The following RAMP3 variants were observed in gnomAD, a reference collection of about 807,000 sequenced individuals.
RAMP3 encodes the protein receptor activity modifying protein 3, also known as receptor activity-modifying protein 3.
In RAMP3, 14 loss-of-function variants were observed where a neutral mutation model predicts 13.5. The ratio of observed to expected loss-of-function variants is 1.04; its 90% CI spans 0.69 to 1.63. The LOEUF is 1.63. RAMP3 is among the 40% of genes most tolerant of loss of function. The pLI is 0.00. For missense variants in RAMP3, 200 were observed against 204.8 expected, an observed-to-expected ratio of 0.98 and a Z score of 0.14; for synonymous variants, 106 against 88.3, an observed-to-expected ratio of 1.20 and a Z score of -1.12.
intron 1 of RAMP3, among the ~76,000 whole-genome samples, chr7:45,167,862 A>G (rs1172153498): frequency 6.6e-6 from 1 of 152,084 alleles, no homozygotes; most frequent in Non-Finnish European, 1.5e-5. Context: ...CTGGGATTAC[A>G]AGCGTGAGCC....
chr7:45,182,778 G>T (rs1366581229), intron 2 of RAMP3, among the ~76,000 whole-genome samples: 3 of 152,152 alleles, frequency 2.0e-5, no homozygotes, highest in African/African-American at 7.2e-5. Flanking sequence ...GATGATGAAG[G>T]CTTTGCAGGT....
intron 1 of RAMP3, among the ~76,000 whole-genome samples, chr7:45,171,555 A>AT (rs1270920823): frequency 2.6e-5 from 4 of 151,234 alleles, no homozygotes; most frequent in Non-Finnish European, 4.4e-5. Flanking sequence ...GTCTTTTTTG[A>AT]TTTTTTTTCT....
intron 1 of RAMP3, among the ~76,000 whole-genome samples, chr7:45,174,294 C>T (rs1786137060): frequency 6.6e-6 from 1 of 152,102 alleles, no homozygotes; most frequent in African/African-American, 2.4e-5. Flanking sequence ...GGACAGATGA[C>T]AGGGGCCTAA....
chr7:45,163,834 A>G, intron 1 of RAMP3: 2 of 985,406 alleles, frequency 2.0e-6, no homozygotes, highest in African/African-American at 3.5e-5. Flanking sequence ...GTCAAGCTTC[A>G]GAAGGACACG....
At chr7:45,169,121 A>C (rs1786032598) in intron 1 of RAMP3, among the ~76,000 whole-genome samples, 1 of 152,204 alleles carries the variant, frequency 6.6e-6, no homozygotes, top group Non-Finnish European at 1.5e-5. Flanking sequence ...CCTGAGATAA[A>C]ACCTTCTTGG....
At chr7:45,179,359 C>T (rs1182703349) in intron 2 of RAMP3, among the ~76,000 whole-genome samples, 1 of 120,472 alleles carries the variant, frequency 8.3e-6, no homozygotes, top group African/African-American at 2.7e-5. Flanking sequence ...CACTCCCAGT[C>T]ACGAGTCACT....
At chr7:45,165,183 C>T (rs6975191) in intron 1 of RAMP3, among the ~76,000 whole-genome samples, 39,170 of 151,738 alleles carry the variant, frequency 0.26, 6,024 homozygotes, top group African/African-American at 0.43. Context: ...ATCTTTAATT[C>T]ATCAATCTGT....
At chr7:45,158,742 C>T (rs912599558) in intron 1 of RAMP3, among the ~76,000 whole-genome samples, 4 of 152,080 alleles carry the variant, frequency 2.6e-5, no homozygotes, top group African/African-American at 9.7e-5. Context: ...CAGAGTTGGG[C>T]CTGTTTTGAT....
intron 1 of RAMP3, among the ~76,000 whole-genome samples, chr7:45,160,020 A>C (rs1554396646): frequency 6.6e-6 from 1 of 152,142 alleles, no homozygotes; most frequent in Non-Finnish European, 1.5e-5. Flanking sequence ...GATAGCAGTA[A>C]CTCTGGTGAA....
intron 2 of RAMP3, among the ~76,000 whole-genome samples, chr7:45,178,326 T>C (rs1452469211): frequency 1.3e-5 from 2 of 152,136 alleles, no homozygotes; most frequent in African/African-American, 2.4e-5. Flanking sequence ...GGCCTCACAG[T>C]CCTCTGCCCC....
chr7:45,160,859 C>T (rs1408352096), intron 1 of RAMP3, among the ~76,000 whole-genome samples: 1 of 152,198 alleles, frequency 6.6e-6, no homozygotes, highest in African/African-American at 2.4e-5. Flanking sequence ...TGGCAATGGC[C>T]CTCTTTTGTG....
chr7:45,157,909 C>A (rs1303676943), intron 1 of RAMP3, 23 bp downstream of exon 1: 2 of 1,346,854 alleles, frequency 1.5e-6, no homozygotes, highest in African/African-American at 1.5e-5. Flanking sequence ...CGGCCCGCAC[C>A]GGGGGCGCCC....
At chr7:45,162,643 G>T (rs1785886327) in intron 1 of RAMP3, among the ~76,000 whole-genome samples, 1 of 152,220 alleles carries the variant, frequency 6.6e-6, no homozygotes, top group African/African-American at 2.4e-5. Context: ...CTGTTGTAGG[G>T]CTTGGCGGGT....
chr7:45,183,049 C>A, intron 2 of RAMP3, 108 bp from the exon 3 acceptor site: 1 of 1,473,214 alleles, frequency 6.8e-7, no homozygotes, highest in Non-Finnish European at 9.2e-7. Context: ...AATAGGTGGC[C>A]AAATGGGACT....
In RAMP3 at chr7:45,183,272, A is replaced by G. The variant is rs1248309019; in HGVS notation, c.307A>G (p.Asn103Asp). 1 of 1,613,972 alleles carries G rather than the reference A, an allele frequency of 6.2e-7. No individual in the cohort carries two copies. Among genetic ancestry groups the G allele is most frequent in the Admixed American group, 1.7e-5 (1 of 60,024 alleles). ...CGGCATCCACAGGCAGTTCTTCTCC[A>G]ACTGCACCGTGGACAGGGTCCACTT... is the stretch of plus-strand genomic sequence containing the variant. ...ITGIHRQFFS[N>D]CTVDRVHLED... The change falls in exon 3 of 3, where the codon AAC becomes GAC. Residue 103 changes from asparagine (N) to aspartate (D), a missense_variant. Asn to Asp is a conservative substitution (Grantham distance 23, BLOSUM62 1). Transcript: ENST00000242249.
intron 1 of RAMP3, among the ~76,000 whole-genome samples, chr7:45,166,928 T>C (rs1286908421): frequency 6.7e-6 from 1 of 148,284 alleles, no homozygotes; most frequent in African/African-American, 2.5e-5. Context: ...AAGAGTTTTA[T>C]AATTTAGCTC....
At chr7:45,158,034 C>G in intron 1 of RAMP3, 148 bp downstream of exon 1, 1 of 826,338 alleles carries the variant, frequency 1.2e-6, no homozygotes, top group Non-Finnish European at 1.7e-6. Context: ...GGCGGGATTC[C>G]CAGGCTCTGC....
chr7:45,165,148 G>T (rs1382361109), intron 1 of RAMP3, among the ~76,000 whole-genome samples: 1 of 151,900 alleles, frequency 6.6e-6, no homozygotes, highest in Non-Finnish European at 1.5e-5. Flanking sequence ...TTACTCCAGT[G>T]GTTGGTTCAG....
chr7:45,176,290 C>T (rs1786184668), intron 1 of RAMP3, among the ~76,000 whole-genome samples: 1 of 152,110 alleles, frequency 6.6e-6, no homozygotes, highest in South Asian at 2.1e-4. Context: ...TCTAGCCCAG[C>T]ACCAGCCGCC....
Sources: allele counts gnomAD v4.1 joint callset (sites outside exome capture counted in the v4.1 genomes callset), GRCh38; gene constraint gnomAD v4.1.1; transcripts MANE v1.5; gene names NCBI Gene and HGNC (gene_info 2026-07-23, HGNC 2026-07-21).